The following MEOX1 variants were observed in gnomAD, a reference collection of about 807,000 sequenced individuals.
The protein encoded by MEOX1 is mesenchyme homeobox 1.
Under a neutral mutation model 23.2 loss-of-function variants are expected in MEOX1, and 17 were observed. That is an observed-to-expected ratio of 0.73 (90% CI 0.50 to 1.10). The LOEUF is 1.10. Ranked by LOEUF, MEOX1 falls within the 50% of genes least tolerant of loss-of-function variation. MEOX1 has a pLI of 0.00. For missense variants in MEOX1, 333 were observed against 332.2 expected (o/e 1.00, Z -0.02); for synonymous variants, 134 against 135.1 (o/e 0.99, Z 0.06).
intron 1 of MEOX1, among the ~76,000 whole-genome samples, chr17:43,653,033 C>T (rs151093648): frequency 1.6e-3 from 236 of 151,636 alleles, no homozygotes; most frequent in African/African-American, 5.4e-3. Flanking sequence ...GGCATTTCAC[C>T]GTGTTAGCCA....
chr17:43,642,327 C>T (rs1323817749), intron 2 of MEOX1, among the ~76,000 whole-genome samples: 3 of 152,202 alleles, frequency 2.0e-5, no homozygotes, highest in Non-Finnish European at 4.4e-5. Flanking sequence ...TGCCAGGTCC[C>T]CCTGCCCCCT....
At chr17:43,649,564 C>T (rs1250980838) in intron 1 of MEOX1, among the ~76,000 whole-genome samples, 1 of 152,206 alleles carries the variant, frequency 6.6e-6, no homozygotes, top group African/African-American at 2.4e-5. Context: ...GCCTCGGCCT[C>T]CCAAAGTGCT....
At chr17:43,651,251 C>G (rs192037639) in intron 1 of MEOX1, among the ~76,000 whole-genome samples, 2 of 151,948 alleles carry the variant, frequency 1.3e-5, no homozygotes, top group Non-Finnish European at 2.9e-5. Flanking sequence ...ACTGGGAGGC[C>G]GAGCTTGCAG....
At chr17:43,654,762 A>G (rs1478520143) in intron 1 of MEOX1, among the ~76,000 whole-genome samples, 3 of 152,094 alleles carry the variant, frequency 2.0e-5, no homozygotes, top group Non-Finnish European at 4.4e-5. Flanking sequence ...AATTGAAAAT[A>G]CACTCTCCAG....
chr17:43,653,380 T>C (rs185236417), intron 1 of MEOX1, among the ~76,000 whole-genome samples: 67 of 151,936 alleles, frequency 4.4e-4, no homozygotes, highest in Non-Finnish European at 1.0e-4. Context: ...CCTCAAGTGA[T>C]CCACCCACCT....
chr17:43,661,637 G>T lies in MEOX1; in HGVS notation c.-103C>A. On this transcript the variant is annotated 5_prime_UTR_variant, in exon 1 of 3. Coordinates refer to ENST00000318579, the MANE Select transcript of MEOX1 (RefSeq NM_004527.4). Reference sequence around the variant, plus strand: ...AAAAGAAAAAAAACTAAATAGGAGGGAAAAATGTTCAACAGAAAATTTACC... The same window carrying T: ...AAAAGAAAAAAAACTAAATAGGAGGTAAAAATGTTCAACAGAAAATTTACC... 5.1e-6 allele frequency: 3 copies of T among 587,380 alleles called. No individual in the cohort carries two copies. The highest frequency in any genetic ancestry group is 7.5e-6 in the Non-Finnish European group (3 of 402,304). The allele number at this position is 587,380 out of a possible 1,614,324, so 36.4% of individuals were successfully genotyped here.
intron 2 of MEOX1, 75 bp from the exon 3 acceptor site, chr17:43,642,107 G>A: frequency 2.0e-6 from 3 of 1,511,636 alleles, no homozygotes; most frequent in South Asian, 2.6e-5. Flanking sequence ...GCTTAGGCTA[G>A]CCAGGGTGTA....
rs1391281747 is a variant in MEOX1, at chr17:43,661,325, G to T, written c.210C>A (p.Thr70=). The T allele has an allele frequency of 6.2e-7, 1 of 1,613,178 alleles. No individual in the cohort carries two copies. ...GCTCCTCCTGGGGCAGGCTGTGTGG[G>T]GTGGCTGCCAGGCAGGAGGCTGAGA... is the stretch of plus-strand genomic sequence containing the variant. ...PDFSASCLAA[T]PHSLPQEEHI... Residue 70 remains threonine, a synonymous_variant, in exon 1 of 3, where the codon ACC becomes ACA. Transcript: ENST00000318579.
intron 1 of MEOX1, among the ~76,000 whole-genome samples, chr17:43,650,822 G>T (rs1252749777): frequency 3.3e-5 from 5 of 152,176 alleles, no homozygotes; most frequent in African/African-American, 1.2e-4. Context: ...GCCCGAGACT[G>T]GTTGGATGTT....
intron 1 of MEOX1, among the ~76,000 whole-genome samples, chr17:43,645,503 GGC>G (rs1012110393): frequency 1.1e-4 from 16 of 152,168 alleles, no homozygotes; most frequent in African/African-American, 3.9e-4. Flanking sequence ...TAGACATGGA[GGC>G]TGTGGCTCCG....
chr17:43,643,404 A>G, intron 2 of MEOX1, 84 bp downstream of exon 2: 1 of 1,255,012 alleles, frequency 8.0e-7, no homozygotes, highest in Non-Finnish European at 1.1e-6. Flanking sequence ...GAAAAAGGAG[A>G]AGGTCCAGGG....
intron 1 of MEOX1, among the ~76,000 whole-genome samples, chr17:43,655,452 A>G (rs1699289775): frequency 6.6e-6 from 1 of 151,732 alleles, no homozygotes; most frequent in South Asian, 2.1e-4. Flanking sequence ...GCCTGGCAAC[A>G]GAGTGAGACT....
At chr17:43,643,781 A>G in intron 1 of MEOX1, 121 bp from the exon 2 acceptor site, 1 of 688,470 alleles carries the variant, frequency 1.5e-6, no homozygotes, top group South Asian at 2.5e-5. Flanking sequence ...GGATGCTGAG[A>G]AAAAAGCTAC....
intron 1 of MEOX1, among the ~76,000 whole-genome samples, chr17:43,651,736 C>T (rs561543582): frequency 6.6e-6 from 1 of 152,162 alleles, no homozygotes; most frequent in Admixed American, 6.5e-5. Flanking sequence ...AGTTATCCCC[C>T]CTCCCTGGGC....
intron 1 of MEOX1, among the ~76,000 whole-genome samples, chr17:43,647,562 C>T (rs1404972260): frequency 6.6e-6 from 1 of 152,154 alleles, no homozygotes; most frequent in Non-Finnish European, 1.5e-5. Flanking sequence ...GGGCTTGTCA[C>T]CCCTTCCAGA....
Position 43,645,602 on chromosome 17 carries a change from G to A in MEOX1, c.470-1942C>T, listed in dbSNP as rs550812191. On this transcript the variant is annotated intron_variant, in intron 1 of 2. Coordinates refer to ENST00000318579, the MANE Select transcript of MEOX1 (RefSeq NM_004527.4). Reference sequence around the variant, plus strand: ...CCTTGCCGGCGAGGAGTGTTGGAAGGAGGGATCTTCTGTTTTCAGAGGCCG... The same window carrying A: ...CCTTGCCGGCGAGGAGTGTTGGAAGAAGGGATCTTCTGTTTTCAGAGGCCG... Among the ~76,000 whole-genome samples the A allele has an allele frequency of 2.0e-5, 3 of 152,332 alleles. No homozygotes were observed. In the South Asian group the frequency reaches 6.2e-4, roughly 32 times the overall value.
chr17:43,661,910 C>A lies in MEOX1; in HGVS notation c.-376G>T, dbSNP rs78467432. The A allele has an allele frequency of 7.7e-3, 1,375 of 177,650 alleles. 7 individuals are homozygous for A. Among genetic ancestry groups the A allele is most frequent in the Non-Finnish European group, 0.012 (1,027 of 85,696 alleles). 11.0% of individuals were successfully genotyped at this position (177,650 alleles called of 1,614,324 possible). A position where few individuals can be genotyped will look rare whatever the true frequency, so the allele number is the denominator to read the frequency against. On this transcript the variant is annotated 5_prime_UTR_variant, in exon 1 of 3. Transcript: ENST00000318579. ...TTCGTCCTGGAGCCCAGAGCAAATG[C>A]CTGCAGAGGGCTGGACCAGGGCTGC...
In MEOX1 at chr17:43,646,003, G is replaced by A. The variant is rs778626052; in HGVS notation, c.470-2343C>T. On this transcript the variant is annotated intron_variant, in intron 1 of 2. Transcript: ENST00000318579. ...AGGGGAGTGGGTGCCACCGTTCCGG[G>A]AACTCGAGAAGGCGGGGGAGGGGCC... 4.6e-5 allele frequency among the ~76,000 whole-genome samples: 7 copies of A among 152,356 alleles called. No homozygotes were observed. The South Asian group carries it at 1.4e-3, about 32-fold the overall frequency.
At chr17:43,657,339 AAT>A (rs1973057657) in intron 1 of MEOX1, among the ~76,000 whole-genome samples, 1 of 37,572 alleles carries the variant, frequency 2.7e-5, no homozygotes, top group Non-Finnish European at 8.1e-5. Flanking sequence ...ACACCTGGCT[AAT>A]TTTTTTTTTT....
Sources: gnomAD v4.1 joint callset for allele counts (sites outside exome capture counted in the v4.1 genomes callset) on GRCh38, gnomAD v4.1.1 for gene constraint, MANE v1.5 for transcripts, NCBI Gene and HGNC (gene_info 2026-07-23, HGNC 2026-07-21) for gene names.